The following ST6GAL1 variants were observed in gnomAD, a reference collection of about 807,000 sequenced individuals.
The protein encoded by ST6GAL1 is beta-galactoside alpha-2,6-sialyltransferase 1.
In ST6GAL1, 20 loss-of-function variants were observed where a neutral mutation model predicts 38.0. That is an observed-to-expected ratio of 0.53 (90% CI 0.37 to 0.77). The LOEUF is 0.77. Ranked by LOEUF, ST6GAL1 falls within the 30% of genes least tolerant of loss-of-function variation. The pLI, the probability that ST6GAL1 is intolerant of heterozygous loss-of-function variation, is 0.00. For missense variants in ST6GAL1, 432 were observed against 496.4 expected, an observed-to-expected ratio of 0.87 and a Z score of 1.23; for synonymous variants, 196 against 188.2, an observed-to-expected ratio of 1.04 and a Z score of -0.34.
intron 6 of ST6GAL1, 75 bp downstream of exon 6, chr3:187,073,022 TAA>T (rs2108605200): frequency 8.1e-7 from 1 of 1,236,090 alleles, no homozygotes; most frequent in East Asian, 2.4e-5. Flanking sequence ...CCTAGGTTTT[TAA>T]AGTCATGGCT....
chr3:186,967,302 C>T (rs1360727477), intron 2 of ST6GAL1, among the ~76,000 whole-genome samples: 1 of 152,228 alleles, frequency 6.6e-6, no homozygotes, highest in Non-Finnish European at 1.5e-5. Flanking sequence ...AGCGAGTCTC[C>T]TACTTCAGCC....
intron 2 of ST6GAL1, among the ~76,000 whole-genome samples, chr3:187,020,080 C>T (rs1407423039): frequency 2.6e-5 from 4 of 152,018 alleles, no homozygotes; most frequent in Non-Finnish European, 4.4e-5. Flanking sequence ...GGGTGGATCA[C>T]GAGGTCAGGA....
intron 1 of ST6GAL1, among the ~76,000 whole-genome samples, chr3:186,943,695 G>T (rs930786982): frequency 6.6e-6 from 1 of 152,118 alleles, no homozygotes; most frequent in East Asian, 1.9e-4. Flanking sequence ...TGATCCGCCC[G>T]CCTCAGCCTC....
chr3:187,037,916 C>T (rs1579346059), intron 2 of ST6GAL1, among the ~76,000 whole-genome samples: 2 of 151,422 alleles, frequency 1.3e-5, no homozygotes, highest in South Asian at 2.1e-4. Flanking sequence ...TACTTTTTCA[C>T]GTTTTTTTAA....
intron 2 of ST6GAL1, among the ~76,000 whole-genome samples, chr3:186,967,030 A>C (rs1262787239): frequency 6.6e-6 from 1 of 152,192 alleles, no homozygotes; most frequent in Non-Finnish European, 1.5e-5. Flanking sequence ...GACAGGGACA[A>C]GAGGAGGAGC....
Position 187,066,095 on chromosome 3 carries a change from C to T in ST6GAL1, c.706-6754C>T, listed in dbSNP as rs562184058. Among the ~76,000 whole-genome samples, 21 of 152,188 alleles carry T rather than the reference C, an allele frequency of 1.4e-4. No homozygotes were observed. In the East Asian group the frequency reaches 2.1e-3, roughly 15 times the overall value. ...GTTGGCAGGGCGGGTGGGAGGTGGG[C>T]GAGATTTCCATCAACAACGGGTCTA... On this transcript the variant is annotated intron_variant, in intron 5 of 7. Coordinates refer to ENST00000169298, the MANE Select transcript of ST6GAL1 (RefSeq NM_173216.2).
chr3:187,023,366 G>T (rs1717397727), intron 2 of ST6GAL1, among the ~76,000 whole-genome samples: 3 of 152,164 alleles, frequency 2.0e-5, no homozygotes, highest in South Asian at 2.1e-4. Context: ...CTCACTATAA[G>T]GTGAGTGCTG....
At chr3:187,002,650 G>A (rs1249459054) in intron 2 of ST6GAL1, among the ~76,000 whole-genome samples, 2 of 152,182 alleles carry the variant, frequency 1.3e-5, no homozygotes, top group African/African-American at 4.8e-5. Context: ...GATTTGGGGT[G>A]AGGAAAGTTG....
intron 6 of ST6GAL1, 152 bp from the exon 7 acceptor site, chr3:187,074,007 A>G (rs9821439): frequency 0.47 from 287,359 of 616,822 alleles, 71,933 homozygotes; most frequent in African/African-American, 0.8. Flanking sequence ...TGGAAGAGAA[A>G]CCTGTAGTCT....
chr3:186,992,619 C>T (rs543569255), intron 2 of ST6GAL1, among the ~76,000 whole-genome samples: 1 of 152,124 alleles, frequency 6.6e-6, no homozygotes, highest in Non-Finnish European at 1.5e-5. Flanking sequence ...CATGGTGAAA[C>T]CCCGTCTCTA....
chr3:187,021,890 T>A (rs1579328813), intron 2 of ST6GAL1: 1 of 152,144 alleles, frequency 6.6e-6, no homozygotes, highest in African/African-American at 2.4e-5. Flanking sequence ...GAGGTTCCTG[T>A]AGGGCGGCAC....
chr3:186,980,729 C>G (rs930323334), intron 2 of ST6GAL1, among the ~76,000 whole-genome samples: 3 of 150,600 alleles, frequency 2.0e-5, no homozygotes, highest in African/African-American at 4.9e-5. Context: ...GAGGATCACC[C>G]CACTGCACAC....
intron 4 of ST6GAL1, among the ~76,000 whole-genome samples, chr3:187,049,544 C>A (rs1265610811): frequency 6.6e-6 from 1 of 152,190 alleles, no homozygotes; most frequent in Non-Finnish European, 1.5e-5. Context: ...GCAACAGCTC[C>A]CGACAGGTGT....
chr3:187,020,115 G>C (rs1008812968), intron 2 of ST6GAL1, among the ~76,000 whole-genome samples: 2 of 152,090 alleles, frequency 1.3e-5, no homozygotes, highest in Non-Finnish European at 2.9e-5. Context: ...TGGCCAAGAT[G>C]GTGAAACCAC....
chr3:187,014,909 A>T (rs1473742223), intron 2 of ST6GAL1, among the ~76,000 whole-genome samples: 1 of 152,212 alleles, frequency 6.6e-6, no homozygotes, highest in Non-Finnish European at 1.5e-5. Flanking sequence ...CACACATGCC[A>T]CCAGAGCACA....
chr3:187,034,958 A>G (rs1458858418), intron 2 of ST6GAL1, among the ~76,000 whole-genome samples: 1 of 152,190 alleles, frequency 6.6e-6, no homozygotes, highest in East Asian at 1.9e-4. Flanking sequence ...AAAGAAGTCA[A>G]ACTGTCTCTC....
At chr3:186,931,739 C>T (rs925804393) in intron 1 of ST6GAL1, among the ~76,000 whole-genome samples, 1 of 152,214 alleles carries the variant, frequency 6.6e-6, no homozygotes, top group African/African-American at 2.4e-5. Flanking sequence ...AGGCCCGTGT[C>T]CGTGTGCCCA....
intron 2 of ST6GAL1, among the ~76,000 whole-genome samples, chr3:186,993,582 T>A (rs890773172): frequency 2.0e-5 from 3 of 147,660 alleles, no homozygotes; most frequent in Non-Finnish European, 4.5e-5. Flanking sequence ...ATTTATTTAT[T>A]TATTTATTTA....
chr3:186,957,005 T>C (rs1016562277), intron 1 of ST6GAL1, among the ~76,000 whole-genome samples: 10 of 152,100 alleles, frequency 6.6e-5, no homozygotes, highest in African/African-American at 2.4e-4. Context: ...ATTAATAAAA[T>C]AAAAGCAATG....
Sources: gnomAD v4.1 joint callset for allele counts (sites outside exome capture counted in the v4.1 genomes callset) on GRCh38, gnomAD v4.1.1 for gene constraint, MANE v1.5 for transcripts, NCBI Gene and HGNC (gene_info 2026-07-23, HGNC 2026-07-21) for gene names.